CD163: variants seen among roughly 807,000 people sequenced by gnomAD.
CD163 encodes the protein scavenger receptor cysteine-rich type 1 protein M130.
Under a neutral mutation model 129.2 loss-of-function variants are expected in CD163, and 64 were observed. That is an observed-to-expected ratio of 0.50 (90% CI 0.41 to 0.61). The LOEUF (loss-of-function observed/expected upper bound fraction) is 0.61. Among genes scored for constraint, CD163 ranks in the 20% least tolerant of loss-of-function variants. The pLI is 0.00. For synonymous variants in CD163, 446 were observed against 478.5 expected, an observed-to-expected ratio of 0.93 and a Z score of 0.89; for missense variants, 1,061 against 1,377.9, an observed-to-expected ratio of 0.77 and a Z score of 3.64.
chr12:7,482,805 G>T, intron 13 of CD163, 43 bp from the exon 14 acceptor site: 1 of 1,609,172 alleles, frequency 6.2e-7, no homozygotes, highest in Non-Finnish European at 8.5e-7. Flanking sequence ...ATGTCTTATC[G>T]AAAAGATCAA....
intron 2 of CD163, 44 bp from the exon 3 acceptor site, chr12:7,501,506 A>T (rs961303639): frequency 2.7e-6 from 4 of 1,457,448 alleles, no homozygotes; most frequent in Middle Eastern, 1.7e-4. Flanking sequence ...GGTCGCAAAG[A>T]GCAAGTAGAA....
intron 6 of CD163, among the ~76,000 whole-genome samples, chr12:7,491,379 T>C (rs1166309091): frequency 6.6e-6 from 1 of 152,070 alleles, no homozygotes; most frequent in Non-Finnish European, 1.5e-5. Context: ...ATATCGTTAC[T>C]CTTTAGACAT....
intron 1 of CD163, among the ~76,000 whole-genome samples, chr12:7,503,331 C>G (rs1949519497): frequency 2.0e-5 from 3 of 152,180 alleles, no homozygotes; most frequent in Non-Finnish European, 4.4e-5. Flanking sequence ...AATTAACTCT[C>G]TATCAATATT....
Position 7,498,146 on chromosome 12 carries a change from C to CACAG in CD163, c.778+721_778+722insCTGT, listed in dbSNP as rs537347284. 4.2e-3 allele frequency among the ~76,000 whole-genome samples: 627 copies of CACAG among 148,926 alleles called. 5 individuals are homozygous for CACAG. The highest frequency in any genetic ancestry group is 0.014 in the African/African-American group (568 of 40,576). ...ATTTACACACACACACACACACACA[C>CACAG]AGAGAGAGAGAGAGAGAGAGAGAAA... On this transcript the variant is annotated intron_variant, in intron 4 of 16. Transcript: ENST00000432237.
In CD163 at chr12:7,481,227, G is replaced by A; in HGVS notation, c.3277C>T (p.Gln1093Ter). The change falls in exon 15 of 17, where the codon CAA (glutamine) becomes TAA (stop). Residue 1093 changes from glutamine (Q) to a stop codon, truncating the protein, a stop_gained. Coordinates refer to ENST00000432237, the MANE Select transcript of CD163 (RefSeq NM_203416.4). LOFTEE classifies it high-confidence loss of function. ...VSSRGENLVHQIQYREMNSCL... is the reference protein window; with the variant it reads ...VSSRGENLVH ...GAATTCATCTCCCGGTATTGAATTT[G>A]GTGGACTAAGTTCTCTCCTCTTGAG... 1 of 1,613,680 alleles carries A rather than the reference G, an allele frequency of 6.2e-7. No individual in the cohort carries two copies. Among genetic ancestry groups the A allele is most frequent in the Non-Finnish European group, 8.5e-7 (1 of 1,179,702 alleles).
intron 6 of CD163, among the ~76,000 whole-genome samples, chr12:7,492,010 C>T (rs1949332630): frequency 6.6e-6 from 1 of 152,100 alleles, no homozygotes; most frequent in African/African-American, 2.4e-5. Context: ...AACAGATGAT[C>T]AAATTCGTAG....
chr12:7,473,431 A>T (rs1458197160), intron 16 of CD163, among the ~76,000 whole-genome samples: 1 of 152,216 alleles, frequency 6.6e-6, no homozygotes, highest in Non-Finnish European at 1.5e-5. Flanking sequence ...AATATTCATA[A>T]AGGAAACAAT....
At chr12:7,489,784 C>G (rs2136715050) in intron 6 of CD163, among the ~76,000 whole-genome samples, 1 of 152,096 alleles carries the variant, frequency 6.6e-6, no homozygotes, top group South Asian at 2.1e-4. Flanking sequence ...TAATTTCGTC[C>G]AGCTATTAAA....
chr12:7,483,904 A>G, intron 11 of CD163, among the ~76,000 whole-genome samples: 2 of 143,854 alleles, frequency 1.4e-5, no homozygotes, highest in African/African-American at 2.6e-5. Flanking sequence ...GCAGTGGCAC[A>G]ATCTCGGCTC....
At chr12:7,483,088 G>C in intron 12 of CD163, 84 bp from the exon 13 acceptor site, 1 of 1,339,444 alleles carries the variant, frequency 7.5e-7, no homozygotes, top group Non-Finnish European at 1.1e-6. Context: ...TGACCCCTTA[G>C]TACCTCTCAA....
chr12:7,495,086 C>T lies in CD163; in HGVS notation c.1415G>A (p.Cys472Tyr). 2 of 1,613,006 alleles carry T rather than the reference C, an allele frequency of 1.2e-6. No individual in the cohort carries two copies. The highest frequency in any genetic ancestry group is 1.7e-6 in the Non-Finnish European group (2 of 1,179,006). ...CDHYEEAKIT[C>Y]SAHREPRLVG... ...AAGTTGATTGAAAGTCATACCTGAGCAGGTAATTTTGGCTTCTTCATAGTG... is the reference window on the plus strand; with the variant it reads ...AAGTTGATTGAAAGTCATACCTGAGTAGGTAATTTTGGCTTCTTCATAGTG... Residue 472 changes from cysteine to tyrosine, a missense_variant, in exon 6 of 17, where the codon TGC (cysteine) becomes TAC (tyrosine). By Grantham distance (194) the Cys-to-Tyr change is radical. Transcript: ENST00000432237.
At chr12:7,483,849 T>A (rs1282831712) in intron 11 of CD163, among the ~76,000 whole-genome samples, 174 bp from the exon 12 acceptor site, 3 of 120,562 alleles carry the variant, frequency 2.5e-5, no homozygotes, top group African/African-American at 9.9e-5. Context: ...ATATTTTTTT[T>A]TTTTTTTTTG....
chr12:7,471,128 A>G lies in CD163; in HGVS notation c.*301T>C, dbSNP rs11054072. 50,150 of 152,092 alleles carry G rather than the reference A, an allele frequency of 0.33. 10,365 individuals are homozygous for G. Among genetic ancestry groups the G allele is most frequent in the Non-Finnish European group, 0.45 (30,790 of 67,952 alleles). 9.4% of individuals were successfully genotyped at this position (152,092 alleles called of 1,614,324 possible). A position where few individuals can be genotyped will look rare whatever the true frequency, so the allele number is the denominator to read the frequency against. On this transcript the variant is annotated 3_prime_UTR_variant, in exon 17 of 17. Transcript: ENST00000432237. ...AACTCTACAAAAAATTAGGAAGCCC[A>G]TTTAGAAATTAATAGAATTAAGGAC...
At chr12:7,479,637 T>C (rs1381964777) in intron 16 of CD163, among the ~76,000 whole-genome samples, 1 of 152,190 alleles carries the variant, frequency 6.6e-6, no homozygotes, top group Non-Finnish European at 1.5e-5. Context: ...CTTAGCTCCA[T>C]GGATGTGTTA....
In CD163 at chr12:7,499,178, A is replaced by G; in HGVS notation, c.468T>C (p.Asn156=). 2 of 1,610,202 alleles carry G rather than the reference A, an allele frequency of 1.2e-6. No homozygotes were observed. The highest frequency in any genetic ancestry group is 1.7e-6 in the Non-Finnish European group (2 of 1,178,746). ...DAGVTCSDGS[N]LEMRLTRGGN... is the part of the protein sequence containing the mutation. Reference sequence around the variant, plus strand: ...CTCCACGCGTCAGCCTCATTTCCAAATTGGATCCATCTGGAGCAGAGAAAA... The same window carrying G: ...CTCCACGCGTCAGCCTCATTTCCAAGTTGGATCCATCTGGAGCAGAGAAAA... Residue 156 remains asparagine, a synonymous_variant, in exon 4 of 17, where the codon AAT becomes AAC. Coordinates refer to ENST00000432237, the MANE Select transcript of CD163 (RefSeq NM_203416.4).
chr12:7,491,885 G>A (rs1468013005), intron 6 of CD163, among the ~76,000 whole-genome samples: 1 of 152,040 alleles, frequency 6.6e-6, no homozygotes, highest in African/African-American at 2.4e-5. Context: ...AAATTTCCTA[G>A]ACCTTTTTCT....
At chr12:7,492,758 G>C (rs1195217114) in intron 6 of CD163, among the ~76,000 whole-genome samples, 4 of 152,130 alleles carry the variant, frequency 2.6e-5, no homozygotes. Context: ...TGTTAATCAA[G>C]AGTCCTATAA....
chr12:7,487,000 G>A lies in CD163; in HGVS notation c.2051-14C>T. 6.2e-7 allele frequency: 1 copy of A among 1,604,888 alleles called. No individual in the cohort carries two copies. The highest frequency in any genetic ancestry group is 8.5e-7 in the Non-Finnish European group (1 of 1,172,172). ...GGGACTGGTTTCCTGCAAACACCAA[G>A]GTACTCAGTCATACAAGACACAAAA... On this transcript the variant is annotated splice_polypyrimidine_tract_variant and intron_variant, in intron 8 of 16. Coordinates refer to ENST00000432237, the MANE Select transcript of CD163 (RefSeq NM_203416.4).
chr12:7,500,421 C>CAAAAAAAAAAA (rs71953455), intron 3 of CD163, among the ~76,000 whole-genome samples: 1 of 64,102 alleles, frequency 1.6e-5, no homozygotes. Context: ...CAATTCGTCC[C>CAAAAAAAAAAA]AAAAAAAAAA....
Sources: allele counts gnomAD v4.1 joint callset (sites outside exome capture counted in the v4.1 genomes callset), GRCh38; gene constraint gnomAD v4.1.1; transcripts MANE v1.5; gene names NCBI Gene and HGNC (gene_info 2026-07-23, HGNC 2026-07-21).